Variants in BACH1 observed in about 807,000 individuals in gnomAD.
The protein encoded by BACH1 is BTB domain and CNC homolog 1.
A neutral mutation model predicts 52.9 loss-of-function variants in BACH1; 35 were observed. That is an observed-to-expected ratio of 0.66 (90% confidence interval 0.51 to 0.88). The LOEUF (loss-of-function observed/expected upper bound fraction) is 0.88, where lower values mean the gene tolerates loss of function less well. BACH1 is among the 40% of genes least tolerant of loss of function. The probability of loss-of-function intolerance (pLI) is 0.00; values close to 1 mark genes in which losing one functional copy is unlikely to be tolerated. For missense variants in BACH1, 808 were observed against 872.6 expected, an observed-to-expected ratio of 0.93 and a Z score of 0.93; for synonymous variants, 321 against 319.6, an observed-to-expected ratio of 1.00 and a Z score of -0.05.
intron 2 of BACH1, among the ~76,000 whole-genome samples, chr21:29,323,903 G>C (rs921289139): frequency 7.2e-5 from 11 of 152,030 alleles, no homozygotes; most frequent in Non-Finnish European, 1.5e-4. Context: ...GTGTGTGTGC[G>C]GGTTAAGTTC....
chr21:29,302,936 A>G (rs2088619362), intron 1 of BACH1, among the ~76,000 whole-genome samples: 1 of 152,236 alleles, frequency 6.6e-6, no homozygotes, highest in Non-Finnish European at 1.5e-5. Context: ...TGAGGTAGTC[A>G]CTAACCAGTT....
intron 2 of BACH1, among the ~76,000 whole-genome samples, chr21:29,354,311 G>T (rs572269061): frequency 0.047 from 7,092 of 152,008 alleles, 227 homozygotes; most frequent in Non-Finnish European, 0.075. Flanking sequence ...ATATGATAAA[G>T]TTTGACATTT....
intron 4 of BACH1, among the ~76,000 whole-genome samples, chr21:29,341,554 C>A (rs1009738718): frequency 6.6e-6 from 1 of 152,078 alleles, no homozygotes; most frequent in Non-Finnish European, 1.5e-5. Flanking sequence ...AAGGCAGGAA[C>A]CAGAAAAACT....
intron 2 of BACH1, among the ~76,000 whole-genome samples, chr21:29,323,221 A>G (rs2088869589): frequency 6.6e-6 from 1 of 152,186 alleles, no homozygotes; most frequent in African/African-American, 2.4e-5. Flanking sequence ...GTATGTATGA[A>G]GGGGCGTTTG....
chr21:29,330,270 T>C (rs2088965138), intron 4 of BACH1, among the ~76,000 whole-genome samples: 1 of 152,192 alleles, frequency 6.6e-6, no homozygotes, highest in Non-Finnish European at 1.5e-5. Context: ...GTTCATGCCA[T>C]TCTCCTGCCT....
At chr21:29,333,277 T>G (rs185305901) in intron 4 of BACH1, among the ~76,000 whole-genome samples, 1 of 152,334 alleles carries the variant, frequency 6.6e-6, no homozygotes, top group African/African-American at 2.4e-5. Context: ...TCTTGTCTTT[T>G]GTAAACAGAA....
chr21:29,315,487 A>G (rs769876895), intron 1 of BACH1, among the ~76,000 whole-genome samples: 3 of 152,190 alleles, frequency 2.0e-5, no homozygotes, highest in African/African-American at 7.2e-5. Flanking sequence ...GGAAATTCCA[A>G]ATAGCCACTA....
rs3831783 is a variant in BACH1, at chr21:29,310,594, AT to A, written c.-60-10625del. ...AAGTCAGTGAAGTGATCGTGTCTCCATTGTGGGTCCAGATGTGTTCACCTAG... is the reference window on the plus strand; with the variant it reads ...AAGTCAGTGAAGTGATCGTGTCTCCATGTGGGTCCAGATGTGTTCACCTAG... On this transcript the variant is annotated intron_variant, in intron 1 of 4. Transcript: ENST00000286800. Among the ~76,000 whole-genome samples the A allele has an allele frequency of 3.9e-5, 6 of 152,372 alleles. No individual in the cohort carries two copies. In the East Asian group the frequency reaches 9.6e-4, roughly 24 times the overall value.
intron 4 of BACH1, among the ~76,000 whole-genome samples, chr21:29,335,549 C>T (rs539974352): frequency 1.3e-5 from 2 of 152,282 alleles, no homozygotes; most frequent in Non-Finnish European, 2.9e-5. Flanking sequence ...CAGCACCCCC[C>T]ACCCCATTCT....
chr21:29,352,292 G>A (rs1227130261), intron 2 of BACH1, among the ~76,000 whole-genome samples: 1 of 152,014 alleles, frequency 6.6e-6, no homozygotes, highest in Admixed American at 6.5e-5. Flanking sequence ...GACCTCAAGT[G>A]ATCCGCCCGC....
At chr21:29,358,337 G>A (rs2089247243) in intron 2 of BACH1, among the ~76,000 whole-genome samples, 1 of 152,188 alleles carries the variant, frequency 6.6e-6, no homozygotes, top group African/African-American at 2.4e-5. Context: ...GCCTGCAGAG[G>A]ACAAAAGAGA....
At chr21:29,329,419 C>T in intron 3 of BACH1, 68 bp from the exon 4 acceptor site, 13 of 1,288,024 alleles carry the variant, frequency 1.0e-5, no homozygotes, top group Non-Finnish European at 1.2e-5. Flanking sequence ...TGTATACCTT[C>T]ATCTTCCTAG....
chr21:29,313,139 G>T (rs2088745979), intron 1 of BACH1, among the ~76,000 whole-genome samples: 1 of 151,864 alleles, frequency 6.6e-6, no homozygotes, highest in Admixed American at 6.6e-5. Context: ...TGCATTGGAA[G>T]AATTGTCTTG....
intron 4 of BACH1, among the ~76,000 whole-genome samples, chr21:29,335,214 C>A (rs967951195): frequency 9.2e-5 from 14 of 152,134 alleles, no homozygotes; most frequent in African/African-American, 3.4e-4. Context: ...GGGGCAATTG[C>A]TTAACCTCCA....
intron 2 of BACH1, among the ~76,000 whole-genome samples, chr21:29,352,132 G>A (rs2089206287): frequency 6.6e-6 from 1 of 151,206 alleles, no homozygotes; most frequent in Non-Finnish European, 1.5e-5. Flanking sequence ...AGAGCTCACA[G>A]CAACCTCTGC....
intron 2 of BACH1, among the ~76,000 whole-genome samples, chr21:29,356,587 A>T (rs997667938): frequency 1.3e-5 from 2 of 152,240 alleles, no homozygotes; most frequent in Non-Finnish European, 1.5e-5. Context: ...TTCCTCCTAG[A>T]TCTGGTCAGA....
At chr21:29,349,308 A>G (rs1376268164), downstream of BACH1, among the ~76,000 whole-genome samples, 1 of 152,168 alleles carries the variant, frequency 6.6e-6, no homozygotes, top group Non-Finnish European at 1.5e-5. Context: ...GTTGGAACCC[A>G]GCTGCCTTGA....
chr21:29,301,013 G>A lies in BACH1; in HGVS notation c.-61+2060G>A, dbSNP rs1335144932. ...GAGCACACAACCCAAATATTTATAT[G>A]AGTCCTCATTGCAAACAAAGTTTAG... On this transcript the variant is annotated intron_variant, in intron 1 of 4. Coordinates refer to ENST00000286800, the MANE Select transcript of BACH1 (RefSeq NM_001186.4). Among the ~76,000 whole-genome samples, 3 of 152,186 alleles carry A rather than the reference G, an allele frequency of 2.0e-5. No homozygotes were observed. The South Asian group carries it at 6.2e-4, about 31-fold the overall frequency.
rs1000231340 is a variant in BACH1, at chr21:29,345,891, A to G, written c.*3058A>G. On this transcript the variant is annotated 3_prime_UTR_variant, in exon 5 of 5. Transcript: ENST00000286800. ...AAGCCATAATGGTAGAAGATGGCAT[A>G]CTGATTATAAAAGAAGCAGAAAAAC... The G allele has an allele frequency of 1.3e-5, 2 of 152,650 alleles. No individual in the cohort carries two copies. The highest frequency in any genetic ancestry group is 4.8e-5 in the African/African-American group (2 of 41,464). 9.5% of individuals were successfully genotyped at this position (152,650 alleles called of 1,614,324 possible). A position where few individuals can be genotyped will look rare whatever the true frequency, so the allele number is the denominator to read the frequency against.
Sources: allele counts gnomAD v4.1 joint callset (sites outside exome capture counted in the v4.1 genomes callset), GRCh38; gene constraint gnomAD v4.1.1; transcripts MANE v1.5; gene names NCBI Gene and HGNC (gene_info 2026-07-23, HGNC 2026-07-21).